ST8SIA5: variants seen among roughly 807,000 people sequenced by gnomAD.
The protein encoded by ST8SIA5 is ST8 alpha-N-acetyl-neuraminide alpha-2,8-sialyltransferase 5.
Under a neutral mutation model 40.2 loss-of-function variants are expected in ST8SIA5, and 24 were observed. The ratio of observed to expected loss-of-function variants is 0.60; its 90% CI spans 0.43 to 0.84. The LOEUF is 0.84. ST8SIA5 is among the 40% of genes least tolerant of loss of function. ST8SIA5 has a pLI of 0.00. For missense variants in ST8SIA5, 465 were observed against 498.5 expected, an observed-to-expected ratio of 0.93 and a Z score of 0.64; for synonymous variants, 198 against 201.8, an observed-to-expected ratio of 0.98 and a Z score of 0.16.
intron 2 of ST8SIA5, among the ~76,000 whole-genome samples, 154 bp from the exon 3 acceptor site, chr18:46,692,409 C>CTT (rs370306455): frequency 6.9e-6 from 1 of 145,326 alleles, no homozygotes; most frequent in Non-Finnish European, 1.5e-5. Flanking sequence ...TTCTTTGTTT[C>CTT]TTTTTTTTTT....
intron 1 of ST8SIA5, chr18:46,721,503 T>C: frequency 6.6e-7 from 1 of 1,517,012 alleles, no homozygotes; most frequent in Non-Finnish European, 8.9e-7. Flanking sequence ...GTACTCATGC[T>C]CATTTGCTGG....
chr18:46,681,172 C>A (rs908111302), intron 6 of ST8SIA5, among the ~76,000 whole-genome samples: 1 of 151,902 alleles, frequency 6.6e-6, no homozygotes, highest in Non-Finnish European at 1.5e-5. Context: ...AGACCAGGGA[C>A]TAGCTATGTT....
At chr18:46,755,648 C>T (rs1277262120) in intron 1 of ST8SIA5, among the ~76,000 whole-genome samples, 5 of 152,118 alleles carry the variant, frequency 3.3e-5, no homozygotes, top group Non-Finnish European at 7.4e-5. Flanking sequence ...CTGAGTGACA[C>T]CTCCTACTGC....
intron 1 of ST8SIA5, among the ~76,000 whole-genome samples, chr18:46,741,178 G>T (rs1215372449): frequency 2.0e-5 from 3 of 151,964 alleles, no homozygotes; most frequent in African/African-American, 7.2e-5. Flanking sequence ...ATAATGTTAA[G>T]AATTAAAAAG....
intron 2 of ST8SIA5, among the ~76,000 whole-genome samples, chr18:46,700,555 T>C (rs148724397): frequency 1.3e-5 from 2 of 152,058 alleles, no homozygotes; most frequent in Non-Finnish European, 2.9e-5. Flanking sequence ...GACCCTCAGC[T>C]TGGGGACTCA....
intron 2 of ST8SIA5, among the ~76,000 whole-genome samples, chr18:46,696,935 T>C (rs552127837): frequency 6.6e-6 from 1 of 152,016 alleles, no homozygotes; most frequent in Non-Finnish European, 1.5e-5. Flanking sequence ...AATCTGCACA[T>C]GGAAAATTCT....
intron 6 of ST8SIA5, among the ~76,000 whole-genome samples, chr18:46,681,436 G>T (rs575846954): frequency 6.6e-6 from 1 of 152,292 alleles, no homozygotes; most frequent in East Asian, 1.9e-4. Context: ...CCTCTGACCT[G>T]GTTGGTGTGG....
chr18:46,685,934 A>T (rs2039441762), intron 5 of ST8SIA5: 1 of 535,798 alleles, frequency 1.9e-6, no homozygotes, highest in Non-Finnish European at 3.4e-6. Flanking sequence ...CAAATCTGTG[A>T]TGTCCTTTGC....
intron 1 of ST8SIA5, among the ~76,000 whole-genome samples, chr18:46,742,995 TAACA>T (rs2040102247): frequency 6.6e-6 from 1 of 152,072 alleles, no homozygotes; most frequent in South Asian, 2.1e-4. Context: ...GAAGGAAAAC[TAACA>T]AACAGAAAGA....
At chr18:46,705,269 A>G (rs2039659196) in intron 1 of ST8SIA5, among the ~76,000 whole-genome samples, 1 of 152,156 alleles carries the variant, frequency 6.6e-6, no homozygotes, top group Non-Finnish European at 1.5e-5. Flanking sequence ...GCAGAACAGA[A>G]CAAGCCCCTT....
At chr18:46,683,564 G>T (rs891976607) in intron 5 of ST8SIA5, among the ~76,000 whole-genome samples, 1 of 151,966 alleles carries the variant, frequency 6.6e-6, no homozygotes, top group Non-Finnish European at 1.5e-5. Flanking sequence ...GGGACGGTGG[G>T]CCATGTGAAG....
intron 1 of ST8SIA5, among the ~76,000 whole-genome samples, chr18:46,739,520 C>A (rs996546126): frequency 6.6e-6 from 1 of 152,136 alleles, no homozygotes; most frequent in Non-Finnish European, 1.5e-5. Context: ...GGTAACAGAG[C>A]GAGACTCCAC....
At chr18:46,693,144 C>G (rs570024238) in intron 2 of ST8SIA5, among the ~76,000 whole-genome samples, 2 of 151,958 alleles carry the variant, frequency 1.3e-5, no homozygotes, top group South Asian at 4.2e-4. Flanking sequence ...TGGTCATTTT[C>G]ATGTCTGCGT....
At chr18:46,714,523 G>A (rs1027898312) in intron 1 of ST8SIA5, among the ~76,000 whole-genome samples, 1 of 152,144 alleles carries the variant, frequency 6.6e-6, no homozygotes, top group African/African-American at 2.4e-5. Flanking sequence ...AGTGAAGAAG[G>A]GGTGAGGCCC....
At chr18:46,701,579 A>C (rs1394362284) in intron 2 of ST8SIA5, among the ~76,000 whole-genome samples, 5 of 152,234 alleles carry the variant, frequency 3.3e-5, no homozygotes, top group Admixed American at 6.5e-5. Flanking sequence ...CACAGCAAGA[A>C]GAAGGCCATT....
chr18:46,744,245 C>T (rs1039763859), intron 1 of ST8SIA5, among the ~76,000 whole-genome samples: 5 of 152,128 alleles, frequency 3.3e-5, no homozygotes, highest in Non-Finnish European at 5.9e-5. Context: ...GGACTAAATG[C>T]TCCAATTAAA....
At chr18:46,710,076 G>A (rs994728425) in intron 1 of ST8SIA5, among the ~76,000 whole-genome samples, 10 of 152,190 alleles carry the variant, frequency 6.6e-5, no homozygotes, top group Admixed American at 5.9e-4. Flanking sequence ...CTGGCACCAT[G>A]TAGGGCATCT....
At position 46,670,311 on chromosome 18, in the gene ST8SIA5, A is replaced by ATG. The variant is rs1157191345; in HGVS notation, c.*9729_*9730dup. On this transcript the variant is annotated 3_prime_UTR_variant, in exon 7 of 7. Transcript: ENST00000315087. ...GCTTTTTTACCTCTGCATGTCCTGG[A>ATG]TGTCACAGGGTGAACTGAGCTGAAA... is the stretch of plus-strand genomic sequence containing the variant. 5 of 152,212 alleles carry ATG rather than the reference A, an allele frequency of 3.3e-5. No individual in the cohort carries two copies. The highest frequency in any genetic ancestry group is 1.2e-4 in the African/African-American group (5 of 41,448). 9.4% of individuals were successfully genotyped at this position (152,212 alleles called of 1,614,324 possible). A position where few individuals can be genotyped will look rare whatever the true frequency, so the allele number is the denominator to read the frequency against.
intron 2 of ST8SIA5, 142 bp from the exon 3 acceptor site, chr18:46,692,397 CTTTCTTTG>C (rs2039514943): frequency 3.0e-6 from 2 of 662,332 alleles, no homozygotes; most frequent in Non-Finnish European, 5.2e-6. Flanking sequence ...GTTTTCTTCT[CTTTCTTTG>C]TTTCTTTTTT....
Sources: gnomAD v4.1 joint callset for allele counts (sites outside exome capture counted in the v4.1 genomes callset) on GRCh38, gnomAD v4.1.1 for gene constraint, MANE v1.5 for transcripts, NCBI Gene and HGNC (gene_info 2026-07-23, HGNC 2026-07-21) for gene names.